The following MTHFD2L variants were observed in gnomAD, a reference collection of about 807,000 sequenced individuals.
The protein encoded by MTHFD2L is bifunctional methylenetetrahydrofolate dehydrogenase/cyclohydrolase 2, mitochondrial.
A neutral mutation model predicts 34.9 loss-of-function variants in MTHFD2L; 29 were observed. The ratio of observed to expected loss-of-function variants is 0.83; its 90% CI spans 0.62 to 1.13. MTHFD2L has a LOEUF of 1.13. MTHFD2L is among the 50% of genes most tolerant of loss of function. The probability of loss-of-function intolerance (pLI) is 0.00; values close to 1 mark genes in which losing one functional copy is unlikely to be tolerated. For missense variants in MTHFD2L, 481 were observed against 446.5 expected (o/e 1.08, Z -0.70); for synonymous variants, 167 against 155.7 (o/e 1.07, Z -0.54).
chr4:74,168,427 C>T (rs376050232), intron 1 of MTHFD2L, among the ~76,000 whole-genome samples: 3 of 152,166 alleles, frequency 2.0e-5, no homozygotes, highest in African/African-American at 7.2e-5. Flanking sequence ...CCACGTGTCA[C>T]CTGATTTATC....
At chr4:74,227,840 G>C (rs746932613) in intron 6 of MTHFD2L, among the ~76,000 whole-genome samples, 1 of 152,122 alleles carries the variant, frequency 6.6e-6, no homozygotes, top group Non-Finnish European at 1.5e-5. Flanking sequence ...GACTTTAGAG[G>C]TGTAAAAGTA....
chr4:74,250,042 A>G (rs10015156), intron 6 of MTHFD2L, among the ~76,000 whole-genome samples: 42,178 of 151,638 alleles, frequency 0.28, 6,518 homozygotes, highest in African/African-American at 0.42. Context: ...CTAGATTGGG[A>G]AAGTTCTCCT....
chr4:74,257,252 C>G (rs1008029955), intron 6 of MTHFD2L, among the ~76,000 whole-genome samples: 4 of 151,954 alleles, frequency 2.6e-5, no homozygotes, highest in Admixed American at 2.6e-4. Context: ...TGACTTGGTT[C>G]TCAGCTTGAA....
chr4:74,153,305 G>A (rs375627122), upstream of MTHFD2L, among the ~76,000 whole-genome samples: 8 of 152,208 alleles, frequency 5.3e-5, no homozygotes, highest in South Asian at 1.7e-3. Context: ...GATAACTGAC[G>A]ATATAAATGG....
chr4:74,126,589 A>G (rs1335763432), intron 1 of MTHFD2L, among the ~76,000 whole-genome samples: 1 of 151,992 alleles, frequency 6.6e-6, no homozygotes, highest in Non-Finnish European at 1.5e-5. Context: ...AGACGTAAGA[A>G]GAGGTGGATA....
chr4:74,277,796 G>A (rs1177835040), intron 6 of MTHFD2L, among the ~76,000 whole-genome samples: 1 of 150,724 alleles, frequency 6.6e-6, no homozygotes, highest in African/African-American at 2.5e-5. Context: ...TTTGTTTTTA[G>A]GTGTATGCAT....
chr4:74,297,071 A>G (rs926400419), intron 7 of MTHFD2L, among the ~76,000 whole-genome samples: 10 of 152,100 alleles, frequency 6.6e-5, no homozygotes, highest in African/African-American at 2.2e-4. Context: ...ATTCTTAATT[A>G]TGCTGGCAAA....
intron 3 of MTHFD2L, among the ~76,000 whole-genome samples, chr4:74,187,073 A>C (rs1198775565): frequency 6.6e-6 from 1 of 152,208 alleles, no homozygotes; most frequent in East Asian, 1.9e-4. Flanking sequence ...TGCGATTTTC[A>C]ACACATAGTA....
At chr4:74,195,007 A>C (rs1733227494) in intron 3 of MTHFD2L, 3 of 152,208 alleles carry the variant, frequency 2.0e-5, no homozygotes, top group Non-Finnish European at 4.4e-5. Context: ...TAACAGTGAG[A>C]ATGTGGTATT....
intron 5 of MTHFD2L, among the ~76,000 whole-genome samples, chr4:74,214,176 TTTG>T (rs757543817): frequency 3.3e-5 from 5 of 151,706 alleles, no homozygotes; most frequent in African/African-American, 1.2e-4. Flanking sequence ...CTCAGAAGAG[TTTG>T]TTATTACCCA....
At position 74,281,485 on chromosome 4, in the gene MTHFD2L, G is replaced by C. The variant is rs370803008; in HGVS notation, c.866G>C (p.Gly289Ala). 11 of 1,612,322 alleles carry C rather than the reference G, an allele frequency of 6.8e-6. No individual in the cohort carries two copies. Among genetic ancestry groups the C allele is most frequent in the Middle Eastern group, 1.6e-4 (1 of 6,064 alleles). Residue 289 changes from glycine (G) to alanine (A), a missense_variant, in exon 7 of 8, where the codon GGT becomes GCT. Coordinates refer to ENST00000325278, the MANE Select transcript of MTHFD2L (RefSeq NM_001144978.3). ...GAAGGTGCTGCTGTAATTGATGTGGGTATCAACTATGTCCACGATCCAGTG... is the reference window on the plus strand; with the variant it reads ...GAAGGTGCTGCTGTAATTGATGTGGCTATCAACTATGTCCACGATCCAGTG... ...VKEGAAVIDV[G>A]INYVHDPVTG...
chr4:74,176,749 A>G (rs1729125967), intron 3 of MTHFD2L, among the ~76,000 whole-genome samples: 1 of 151,982 alleles, frequency 6.6e-6, no homozygotes, highest in South Asian at 2.1e-4. Context: ...TTGTTCTGAA[A>G]TTTGTGCATA....
chr4:74,164,789 C>G (rs147701587), intron 1 of MTHFD2L, among the ~76,000 whole-genome samples: 302 of 152,318 alleles, frequency 2.0e-3, no homozygotes, highest in African/African-American at 6.7e-3. Flanking sequence ...CTACATAGTG[C>G]TGCCCTGCTA....
chr4:74,238,799 C>T (rs1325702641), intron 6 of MTHFD2L, among the ~76,000 whole-genome samples: 9 of 152,168 alleles, frequency 5.9e-5, no homozygotes, highest in Admixed American at 2.0e-4. Flanking sequence ...TACCATCTCA[C>T]GCCAGTTAGA....
At chr4:74,121,688 TA>T (rs966859767), upstream of MTHFD2L, among the ~76,000 whole-genome samples, 17 of 146,232 alleles carry the variant, frequency 1.2e-4, no homozygotes, top group Non-Finnish European at 1.0e-4. Flanking sequence ...ATATAATATA[TA>T]AAAATATATA....
intron 6 of MTHFD2L, among the ~76,000 whole-genome samples, chr4:74,280,028 G>A (rs1234920119): frequency 6.6e-6 from 1 of 152,068 alleles, no homozygotes; most frequent in Non-Finnish European, 1.5e-5. Flanking sequence ...GTGCTAGAAT[G>A]TCTCTAACAA....
intron 6 of MTHFD2L, among the ~76,000 whole-genome samples, chr4:74,259,374 T>G (rs764967087): frequency 9.9e-5 from 15 of 152,144 alleles, no homozygotes; most frequent in Non-Finnish European, 2.1e-4. Flanking sequence ...GTAAAGGTTT[T>G]GTTCCAGAAG....
chr4:74,262,870 T>C (rs1217747495), intron 6 of MTHFD2L, among the ~76,000 whole-genome samples: 4 of 152,000 alleles, frequency 2.6e-5, no homozygotes, highest in Non-Finnish European at 4.4e-5. Flanking sequence ...CCATTATTTT[T>C]CCACATATCT....
At chr4:74,245,068 G>A (rs185969772) in intron 6 of MTHFD2L, among the ~76,000 whole-genome samples, 1,952 of 151,696 alleles carry the variant, frequency 0.013, 56 homozygotes, top group African/African-American at 0.045. Flanking sequence ...CGTGGCAGGC[G>A]CCTGTAGTCC....
Sources: allele counts gnomAD v4.1 joint callset (sites outside exome capture counted in the v4.1 genomes callset), GRCh38; gene constraint gnomAD v4.1.1; transcripts MANE v1.5; gene names NCBI Gene and HGNC (gene_info 2026-07-23, HGNC 2026-07-21).